The following PLPPR2 variants were observed in gnomAD, a reference collection of about 807,000 sequenced individuals.
PLPPR2 encodes phospholipid phosphatase-related protein type 2.
In PLPPR2, 11 loss-of-function variants were observed where a neutral mutation model predicts 40.3. The observed-to-expected ratio is 0.27, with a 90% CI of 0.17 to 0.45. The LOEUF (loss-of-function observed/expected upper bound fraction) is 0.45. PLPPR2 is among the 20% of genes least tolerant of loss of function. The probability of loss-of-function intolerance (pLI) is 1.00; values close to 1 mark genes in which losing one functional copy is unlikely to be tolerated. For synonymous variants in PLPPR2, 260 were observed against 290.8 expected (o/e 0.89, Z 1.08); for missense variants, 497 against 640.7 (o/e 0.78, Z 2.42).
In PLPPR2 at chr19:11,365,011, T is replaced by TGG; in HGVS notation, c.*323_*324dup. The TGG allele has an allele frequency of 2.6e-6, 1 of 384,126 alleles. No individual in the cohort carries two copies. Among genetic ancestry groups the TGG allele is most frequent in the Non-Finnish European group, 4.7e-6 (1 of 212,962 alleles). The allele number at this position is 384,126 out of a possible 1,614,324, so 23.8% of individuals were successfully genotyped here. On this transcript the variant is annotated 3_prime_UTR_variant, in exon 10 of 10. Coordinates refer to ENST00000688289, the MANE Select transcript of PLPPR2 (RefSeq NM_001393892.1). ...ACCAAAAGGAGTTGGCTCCAACCAA[T>TGG]GGGAGCCTTCCCCTCACTTCTTAGA...
intron 2 of PLPPR2, 34 bp from the exon 3 acceptor site, chr19:11,357,626 C>T: frequency 6.5e-7 from 1 of 1,539,686 alleles, no homozygotes; most frequent in Non-Finnish European, 8.8e-7. Context: ...TAGGCACACC[C>T]CCTGGGACTC....
chr19:11,357,883 A>G (rs1967932725), intron 3 of PLPPR2, 144 bp downstream of exon 3: 1 of 635,900 alleles, frequency 1.6e-6, no homozygotes, highest in Non-Finnish European at 2.5e-6. Context: ...ATGAGCTTAG[A>G]TTCAGAAGTG....
rs1218791544 is a variant in PLPPR2, at chr19:11,359,277, A to G, written c.67-255A>G. On this transcript the variant is annotated intron_variant, in intron 3 of 9. Transcript: ENST00000688289. This position sits in a 1 kb window ranked among gnomAD's most constrained non-coding sequence, Gnocchi z 5.6. ...CTCCCAAAGTGCTGGAATTACAGGC[A>G]CGAGCCGCTGCACACGGCCCCTCTG... Among the ~76,000 whole-genome samples the G allele has an allele frequency of 1.3e-5, 2 of 152,058 alleles. No individual in the cohort carries two copies. Among genetic ancestry groups the G allele is most frequent in the African/African-American group, 2.4e-5 (1 of 41,398 alleles).
rs1370785444 is a variant in PLPPR2, at chr19:11,364,763, G to A, written c.*73G>A. On this transcript the variant is annotated 3_prime_UTR_variant, in exon 10 of 10. Coordinates refer to ENST00000688289, the MANE Select transcript of PLPPR2 (RefSeq NM_001393892.1). The surrounding 1 kb of genome is among the most constrained non-coding windows in gnomAD (Gnocchi z 5.8). ...CCACGCGTGTGTGTGCGTGTGCCAC[G>A]TGAGTGCCAAAGTCCCCTGCCCCCC... 6.8e-5 allele frequency: 103 copies of A among 1,506,548 alleles called. No homozygotes were observed. The East Asian group carries it at 2.0e-3, about 29-fold the overall frequency. The allele number at this position is 1,506,548 out of a possible 1,614,324, so 93.3% of individuals were successfully genotyped here.
At position 11,361,535 on chromosome 19, in the gene PLPPR2, C is replaced by A; in HGVS notation, c.663+47C>A. On this transcript the variant is annotated intron_variant, in intron 6 of 9. Coordinates refer to ENST00000688289, the MANE Select transcript of PLPPR2 (RefSeq NM_001393892.1). The surrounding 1 kb of genome is among the most constrained non-coding windows in gnomAD (Gnocchi z 6.3). Reference sequence around the variant, plus strand: ...GTCGGAAATGGGTGTGCAGGCTGGACAGCGACCAGCAGCTAGGAAGCCGCC... The same window carrying A: ...GTCGGAAATGGGTGTGCAGGCTGGAAAGCGACCAGCAGCTAGGAAGCCGCC... 1 of 1,545,854 alleles carries A rather than the reference C, an allele frequency of 6.5e-7. No homozygotes were observed. The highest frequency in any genetic ancestry group is 8.7e-7 in the Non-Finnish European group (1 of 1,150,298).
Position 11,361,242 on chromosome 19 carries a change from C to T in PLPPR2, c.417C>T (p.Thr139=). 1 of 1,611,904 alleles carries T rather than the reference C, an allele frequency of 6.2e-7. No homozygotes were observed. The highest frequency in any genetic ancestry group is 1.1e-5 in the South Asian group (1 of 91,050). The stretch of plus-strand genomic sequence containing the variant: ...GGGTCTACTCCTTCGGCCTCTTCAC[C>T]ACGACCATCTTCGCCAACGCGGGGC... ...FLGVYSFGLF[T]TTIFANAGQV... is the part of the protein sequence containing the mutation. Residue 139 remains threonine, a synonymous_variant, in exon 6 of 10, where the codon ACC becomes ACT. Coordinates refer to ENST00000688289, the MANE Select transcript of PLPPR2 (RefSeq NM_001393892.1). The surrounding 1 kb of genome is among the most constrained non-coding windows in gnomAD (Gnocchi z 6.3).
At position 11,365,386 on chromosome 19, in the gene PLPPR2, T is replaced by C. The variant is rs1968163802; in HGVS notation, c.*696T>C. ...AGGGCTTGCCCCACTTCAGAGGTTT[T>C]GGGGTTCAGGGTGCTGTGTCTCCCC... On this transcript the variant is annotated 3_prime_UTR_variant, in exon 10 of 10. Transcript: ENST00000688289. 6.5e-6 allele frequency: 1 copy of C among 152,984 alleles called. No homozygotes were observed. The highest frequency in any genetic ancestry group is 1.5e-5 in the Non-Finnish European group (1 of 68,324). The allele number at this position is 152,984 out of a possible 1,614,324, so 9.5% of individuals were successfully genotyped here.
chr19:11,361,176 A>T lies in PLPPR2; in HGVS notation c.392-41A>T. 1.3e-6 allele frequency: 2 copies of T among 1,558,554 alleles called. No individual in the cohort carries two copies. Among genetic ancestry groups the T allele is most frequent in the Admixed American group, 1.8e-5 (1 of 56,604 alleles). On this transcript the variant is annotated intron_variant, in intron 5 of 9. Coordinates refer to ENST00000688289, the MANE Select transcript of PLPPR2 (RefSeq NM_001393892.1). This position sits in a 1 kb window ranked among gnomAD's most constrained non-coding sequence, Gnocchi z 6.3. ...GCCCAATGGAATCAGTGGGAGCATC[A>T]GGGCCTGGCGCATGAACCCCTTCCA...
Position 11,361,208 on chromosome 19 carries a change from C to A in PLPPR2, c.392-9C>A. The A allele has an allele frequency of 6.3e-7, 1 of 1,596,710 alleles. No individual in the cohort carries two copies. On this transcript the variant is annotated splice_polypyrimidine_tract_variant and intron_variant, in intron 5 of 9. Coordinates refer to ENST00000688289, the MANE Select transcript of PLPPR2 (RefSeq NM_001393892.1). This position sits in a 1 kb window ranked among gnomAD's most constrained non-coding sequence, Gnocchi z 6.3. ...GGCGCATGAACCCCTTCCACTATCC[C>A]ACCCCTAGGGGTCTACTCCTTCGGC...
chr19:11,363,802 G>A lies in PLPPR2; in HGVS notation c.930G>A (p.Met310Ile). 2 of 1,614,128 alleles carry A rather than the reference G, an allele frequency of 1.2e-6. No homozygotes were observed. The highest frequency in any genetic ancestry group is 8.5e-7 in the Non-Finnish European group (1 of 1,180,000). The change falls in exon 8 of 10, where the codon ATG (methionine) becomes ATA (isoleucine). Residue 310 changes from methionine to isoleucine, a missense_variant. Transcript: ENST00000688289. The surrounding 1 kb of genome is among the most constrained non-coding windows in gnomAD (Gnocchi z 4.8). ...AGGACCTGGGCCAAGCCCCCACCAT[G>A]GATAGCCCCCTCGAAAAGTTAAGTG... ...PWEDLGQAPT[M>I]DSPLEKLSVA... is the part of the protein sequence containing the mutation.
rs757579822 is a variant in PLPPR2 at position 11,359,521 on chromosome 19, C to T, written c.67-11C>T. ...TCTCCGCCACCTCTCCCCGCCCTGG[C>T]TTGGTGGCAGTCGGTGCTGCTGGGC... On this transcript the variant is annotated splice_polypyrimidine_tract_variant and intron_variant, in intron 3 of 9. Coordinates refer to ENST00000688289, the MANE Select transcript of PLPPR2 (RefSeq NM_001393892.1). This position sits in a 1 kb window ranked among gnomAD's most constrained non-coding sequence, Gnocchi z 5.6. 7.2e-6 allele frequency: 11 copies of T among 1,529,430 alleles called. No homozygotes were observed. The highest frequency in any genetic ancestry group is 9.7e-6 in the Non-Finnish European group (11 of 1,134,486). The allele number at this position is 1,529,430 out of a possible 1,614,324, so 94.7% of individuals were successfully genotyped here.
Position 11,362,475 on chromosome 19 carries a change from G to A in PLPPR2, c.664-38G>A. The A allele has an allele frequency of 6.2e-7, 1 of 1,604,724 alleles. No individual in the cohort carries two copies. Among genetic ancestry groups the A allele is most frequent in the Non-Finnish European group, 8.5e-7 (1 of 1,179,652 alleles). On this transcript the variant is annotated intron_variant, in intron 6 of 9. Transcript: ENST00000688289. This position sits in a 1 kb window ranked among gnomAD's most constrained non-coding sequence, Gnocchi z 5.3. Reference sequence around the variant, plus strand: ...AGCGTCCACTTGGGTTCGGCGACTTGCCTCCGCTATCCCCCTGACCAGTCC... The same window carrying A: ...AGCGTCCACTTGGGTTCGGCGACTTACCTCCGCTATCCCCCTGACCAGTCC...
At chr19:11,356,147 A>C (rs571426434) in intron 1 of PLPPR2, among the ~76,000 whole-genome samples, 7 of 150,236 alleles carry the variant, frequency 4.7e-5, no homozygotes, top group Admixed American at 3.3e-4. Flanking sequence ...TGGCATTGTG[A>C]GTCTGTGTCA....
rs765334902 is a variant in PLPPR2 at position 11,361,399 on chromosome 19, G to C, written c.574G>C (p.Ala192Pro). 3.1e-6 allele frequency: 5 copies of C among 1,609,818 alleles called. No homozygotes were observed. The highest frequency in any genetic ancestry group is 4.2e-6 in the Non-Finnish European group (5 of 1,179,784). The change falls in exon 6 of 10, where the codon GCT (alanine) becomes CCT (proline). Residue 192 changes from alanine (A) to proline (P), a missense_variant. Physicochemically the swap from Ala to Pro is conservative, Grantham distance 27. Transcript: ENST00000688289. This position sits in a 1 kb window ranked among gnomAD's most constrained non-coding sequence, Gnocchi z 6.3. ...CTTTGTCACTGACCAGGGTGCCTGC[G>C]CTGGCAGTCCCAGCCTCGTGGCCGC... is the stretch of plus-strand genomic sequence containing the variant. ...DRFVTDQGACAGSPSLVAAAR... is the reference protein window; with the variant it reads ...DRFVTDQGACPGSPSLVAAAR...
In PLPPR2 at chr19:11,361,196, C is replaced by A; in HGVS notation, c.392-21C>A. 6.3e-7 allele frequency: 1 copy of A among 1,585,102 alleles called. No homozygotes were observed. Among genetic ancestry groups the A allele is most frequent in the African/African-American group, 1.3e-5 (1 of 74,738 alleles). On this transcript the variant is annotated intron_variant, in intron 5 of 9. Transcript: ENST00000688289. This position sits in a 1 kb window ranked among gnomAD's most constrained non-coding sequence, Gnocchi z 6.3. ...GCATCAGGGCCTGGCGCATGAACCC[C>A]TTCCACTATCCCACCCCTAGGGGTC...
chr19:11,356,233 C>T (rs1228502694), intron 1 of PLPPR2, among the ~76,000 whole-genome samples: 1 of 151,830 alleles, frequency 6.6e-6, no homozygotes, highest in African/African-American at 2.4e-5. Context: ...GAATAAGAGA[C>T]TGTTAGTGTG....
rs1967972089 is a variant in PLPPR2, at chr19:11,359,054, C to G, written c.67-478C>G. Among the ~76,000 whole-genome samples the G allele has an allele frequency of 6.6e-6, 1 of 150,442 alleles. No homozygotes were observed. The highest frequency in any genetic ancestry group is 1.5e-5 in the Non-Finnish European group (1 of 67,568). ...GTCTTTCAGCCATTCCTTTTCCTTT[C>G]TTTTTTTTCTGAGACAGGGTCTCCC... On this transcript the variant is annotated intron_variant, in intron 3 of 9. Transcript: ENST00000688289. This position sits in a 1 kb window ranked among gnomAD's most constrained non-coding sequence, Gnocchi z 5.6.
chr19:11,356,714 G>A (rs137938221), intron 1 of PLPPR2, 88 bp from the exon 2 acceptor site: 107 of 154,088 alleles, frequency 6.9e-4, no homozygotes, highest in Non-Finnish European at 1.2e-3. Flanking sequence ...TGGAGGCTGC[G>A]GCTGGGTTGT....
chr19:11,364,488 C>T lies in PLPPR2; in HGVS notation c.1157C>T (p.Pro386Leu). 6.6e-7 allele frequency: 1 copy of T among 1,516,818 alleles called. No individual in the cohort carries two copies. The highest frequency in any genetic ancestry group is 8.8e-7 in the Non-Finnish European group (1 of 1,137,390). The allele number at this position is 1,516,818 out of a possible 1,614,324, so 94.0% of individuals were successfully genotyped here. ...PTPLPLPLPL[P>L]APTPSQGPSP... The stretch of plus-strand genomic sequence containing the variant: ...CCCTTGCCCCTGCCCCTACCCCTGC[C>T]AGCGCCCACCCCCAGCCAGGGCCCC... Residue 386 changes from proline to leucine, a missense_variant, in exon 10 of 10, where the codon CCA (proline) becomes CTA (leucine). By Grantham distance (98) the Pro-to-Leu change is moderately conservative. Coordinates refer to ENST00000688289, the MANE Select transcript of PLPPR2 (RefSeq NM_001393892.1). This position sits in a 1 kb window ranked among gnomAD's most constrained non-coding sequence, Gnocchi z 5.8.
Sources: gnomAD v4.1 joint callset for allele counts (sites outside exome capture counted in the v4.1 genomes callset) on GRCh38, gnomAD v4.1.1 for gene constraint, Gnocchi (gnomAD v3.1) non-coding constraint, MANE v1.5 for transcripts, NCBI Gene and HGNC (gene_info 2026-07-23, HGNC 2026-07-21) for gene names.